Variants in DMD observed in about 807,000 individuals in gnomAD.
DMD encodes mutant dystrophin.
A neutral mutation model predicts 330.1 loss-of-function variants in DMD; 63 were observed. The ratio of observed to expected loss-of-function variants is 0.19; its 90% CI spans 0.16 to 0.24. The LOEUF is 0.24. DMD is among the 10% of genes least tolerant of loss of function. DMD has a pLI of 1.00. For synonymous variants in DMD, 1,223 were observed against 959.8 expected (o/e 1.27, Z -5.07); for missense variants, 3,344 against 2,684.1 (o/e 1.25, Z -5.43).
intron 47 of DMD, among the ~76,000 whole-genome samples, chrX:31,900,387 T>C (rs1322793185): frequency 9.0e-6 from 1 of 110,819 alleles, no homozygotes; most frequent in Non-Finnish European, 1.9e-5. Context: ...TGAGATCTGA[T>C]GGTTTTGAAA....
At chrX:32,820,630 C>T (rs2078162918) in intron 5 of DMD, among the ~76,000 whole-genome samples, 1 of 110,841 alleles carries the variant, frequency 9.0e-6, no homozygotes, top group African/African-American at 3.3e-5. Flanking sequence ...GTTCAGAGTG[C>T]CTTTTGGAGC....
chrX:33,118,112 C>CTTTTT (rs373799098), intron 1 of DMD, among the ~76,000 whole-genome samples: 2 of 90,426 alleles, frequency 2.2e-5, no homozygotes, highest in African/African-American at 8.2e-5. Flanking sequence ...GTTCAAGACT[C>CTTTTT]TTTTTTTTTT....
intron 1 of DMD, among the ~76,000 whole-genome samples, chrX:33,112,085 G>A (rs1400976753): frequency 9.1e-6 from 1 of 110,450 alleles, no homozygotes; most frequent in Non-Finnish European, 1.9e-5. Flanking sequence ...CTTATCCATG[G>A]TTTTGGTTAC....
intron 2 of DMD, among the ~76,000 whole-genome samples, chrX:33,006,547 T>C (rs778352554): frequency 4.9e-4 from 54 of 111,159 alleles, no homozygotes; most frequent in African/African-American, 1.8e-3. Context: ...TGCAAAAAAA[T>C]GAATGTAGAC....
intron 53 of DMD, among the ~76,000 whole-genome samples, chrX:31,674,080 C>G (rs2081955430): frequency 8.9e-6 from 1 of 111,934 alleles, no homozygotes; most frequent in Non-Finnish European, 1.9e-5. Context: ...ACCCAAACCT[C>G]AAACTACTAG....
intron 2 of DMD, among the ~76,000 whole-genome samples, chrX:32,931,447 C>T (rs2089588181): frequency 1.8e-5 from 2 of 111,595 alleles, no homozygotes; most frequent in South Asian, 7.4e-4. Context: ...ATATTTATTA[C>T]AAATAAATTA....
At chrX:32,335,275 G>T (rs1189435921) in intron 41 of DMD, among the ~76,000 whole-genome samples, 1 of 108,366 alleles carries the variant, frequency 9.2e-6, no homozygotes, top group Non-Finnish European at 1.9e-5. Context: ...GATCCCTGCT[G>T]ACTGTAACCT....
intron 44 of DMD, among the ~76,000 whole-genome samples, chrX:32,175,303 G>A (rs906512213): frequency 6.4e-5 from 7 of 109,642 alleles, no homozygotes; most frequent in African/African-American, 2.0e-4. Flanking sequence ...ACCAATCAGC[G>A]CTCTGTAAAA....
chrX:32,836,293 A>T (rs1385910399), intron 4 of DMD, among the ~76,000 whole-genome samples: 1 of 110,204 alleles, frequency 9.1e-6, no homozygotes, highest in Non-Finnish European at 1.9e-5. Context: ...CAGCCTCCCA[A>T]AGTGCTGGGA....
rs780431879 is a variant in DMD at position 32,879,007 on chromosome X, C to CAAAAA, written c.94-29192_94-29188dup. Among the ~76,000 whole-genome samples, 5 of 65,756 alleles carry CAAAAA rather than the reference C, an allele frequency of 7.6e-5. No individual in the cohort carries two copies. The South Asian group carries it at 3.5e-3, about 46-fold the overall frequency. The allele number at this position is 65,756 out of a possible 115,157, so 57.1% of individuals were successfully genotyped here. A position where few individuals can be genotyped will look rare whatever the true frequency, so the allele number is the denominator to read the frequency against. On this transcript the variant is annotated intron_variant, in intron 2 of 78. Coordinates refer to ENST00000357033, the MANE Select transcript of DMD (RefSeq NM_004006.3). ...TAGGCGACAGACCAAGACTACGTCTCAAAAAAAAAACAAAAAACAAAAAAC... is the reference window on the plus strand; with the variant it reads ...TAGGCGACAGACCAAGACTACGTCTCAAAAAAAAAAAAAAACAAAAAACAAAAAAC...
At chrX:32,801,827 G>A (rs1197177445) in intron 7 of DMD, among the ~76,000 whole-genome samples, 1 of 111,080 alleles carries the variant, frequency 9.0e-6, no homozygotes, top group African/African-American at 3.3e-5. Context: ...GTAGATGTGT[G>A]GTGTTATTTC....
At chrX:32,974,336 G>A (rs2092475577) in intron 2 of DMD, among the ~76,000 whole-genome samples, 1 of 110,809 alleles carries the variant, frequency 9.0e-6, no homozygotes, top group South Asian at 3.8e-4. Context: ...GTTTCTTTTG[G>A]GGATGATGAA....
chrX:32,856,234 G>A (rs7887563), intron 2 of DMD, among the ~76,000 whole-genome samples: 3,069 of 111,749 alleles, frequency 0.027, 111 homozygotes, highest in African/African-American at 0.095. Flanking sequence ...TAGAACCACT[G>A]TGAAGAACTG....
At chrX:33,075,602 AATT>A (rs1907591494) in intron 1 of DMD, among the ~76,000 whole-genome samples, 1 of 112,616 alleles carries the variant, frequency 8.9e-6, no homozygotes, top group Non-Finnish European at 1.9e-5. Flanking sequence ...ACAGCAAATG[AATT>A]AATACCGAGC....
intron 21 of DMD, among the ~76,000 whole-genome samples, chrX:32,484,247 A>G (rs1467471652): frequency 3.6e-5 from 4 of 111,945 alleles, no homozygotes; most frequent in Non-Finnish European, 7.5e-5. Context: ...TTTGTCTTAA[A>G]ACTAAGTTGA....
At chrX:32,049,793 G>C (rs1162290022) in intron 44 of DMD, among the ~76,000 whole-genome samples, 1 of 111,759 alleles carries the variant, frequency 8.9e-6, no homozygotes, top group Non-Finnish European at 1.9e-5. Context: ...CAATTAGTTG[G>C]ATGAGGTTCT....
intron 60 of DMD, among the ~76,000 whole-genome samples, chrX:31,437,946 A>T (rs898673583): frequency 9.1e-6 from 1 of 109,548 alleles, no homozygotes; most frequent in Non-Finnish European, 1.9e-5. Flanking sequence ...CTCACTTTCG[A>T]CTGGCTACAT....
chrX:32,775,279 G>A (rs950408929), intron 7 of DMD, among the ~76,000 whole-genome samples: 1 of 112,229 alleles, frequency 8.9e-6, no homozygotes, highest in Non-Finnish European at 1.9e-5. Flanking sequence ...ACCATTCTGG[G>A]GTCTAGATGG....
chrX:33,139,624 T>C (rs2047685999), intron 1 of DMD, among the ~76,000 whole-genome samples: 1 of 109,149 alleles, frequency 9.2e-6, no homozygotes, highest in Non-Finnish European at 1.9e-5. Flanking sequence ...TGCTTAAAAG[T>C]GTTTGACACC....
Sources: gnomAD v4.1 joint callset for allele counts (sites outside exome capture counted in the v4.1 genomes callset) on GRCh38, gnomAD v4.1.1 for gene constraint, MANE v1.5 for transcripts, NCBI Gene and HGNC (gene_info 2026-07-23, HGNC 2026-07-21) for gene names.